Variants in NXF1 observed in about 807,000 individuals in gnomAD.
NXF1 encodes mRNA export factor TAP.
A neutral mutation model predicts 92.4 loss-of-function variants in NXF1; 43 were observed. The observed-to-expected ratio is 0.47, with a 90% CI of 0.36 to 0.60. The LOEUF (loss-of-function observed/expected upper bound fraction) is 0.60. Among genes scored for constraint, NXF1 ranks in the 20% least tolerant of loss-of-function variants. The pLI, the probability that NXF1 is intolerant of heterozygous loss-of-function variation, is 0.00. For synonymous variants in NXF1, 288 were observed against 292.2 expected (o/e 0.99, Z 0.15); for missense variants, 576 against 793.0 (o/e 0.73, Z 3.29).
At chr11:62,797,109 T>C (rs546196648) in intron 13 of NXF1, 74 bp downstream of exon 13, 9 of 1,232,342 alleles carry the variant, frequency 7.3e-6, no homozygotes, top group African/African-American at 3.1e-5. Flanking sequence ...AACAAAAAGA[T>C]TGATGTGTGC....
Position 62,801,574 on chromosome 11 carries a change from G to A in NXF1, c.697C>T (p.Arg233Cys), listed in dbSNP as rs1173388631. Residue 233 changes from arginine to cysteine, a missense_variant, in exon 7 of 21, where the codon CGT (arginine) becomes TGT (cysteine). Physicochemically the swap from Arg to Cys is radical, Grantham distance 180. Around this residue, in one of 2 missense-constraint regions of NXF1, gnomAD observed 425 missense variants for 635.2 expected, o/e 0.67. Transcript: ENST00000294172. The part of the protein sequence containing the change: ...SQQALDLKGL[R>C]SDPDLVAQNI... ...CTGTCAACCATACCTGGGTCTGAAC[G>A]GAGGCCTTTGAGGTCAAGGGCTTGT... 4.3e-6 allele frequency: 7 copies of A among 1,614,160 alleles called. No individual in the cohort carries two copies. The highest frequency in any genetic ancestry group is 2.7e-5 in the African/African-American group (2 of 75,030).
At chr11:62,798,618 C>T (rs769490397) in intron 10 of NXF1, 43 bp from the exon 11 acceptor site, 88 of 1,612,522 alleles carry the variant, frequency 5.5e-5, no homozygotes, top group Non-Finnish European at 7.0e-5. Flanking sequence ...TCAGAGCCAC[C>T]GTGCCTCCTG....
In NXF1 at chr11:62,792,456, C is replaced by T. The variant is rs369136240; in HGVS notation, c.*20G>A. The T allele has an allele frequency of 2.5e-5, 40 of 1,614,138 alleles. No individual in the cohort carries two copies. The African/African-American group carries it at 5.2e-4, about 21-fold the overall frequency. On this transcript the variant is annotated 3_prime_UTR_variant, in exon 21 of 21. Coordinates refer to ENST00000294172, the MANE Select transcript of NXF1 (RefSeq NM_006362.5). Reference sequence around the variant, plus strand: ...CAAGGACTATTTACAGGGGGGACTGCTTCTGAGGCATGACTACGATCACTT... The same window carrying T: ...CAAGGACTATTTACAGGGGGGACTGTTTCTGAGGCATGACTACGATCACTT...
Position 62,801,791 on chromosome 11 carries a change from G to A in NXF1, c.587C>T (p.Pro196Leu). The A allele has an allele frequency of 1.2e-6, 2 of 1,613,892 alleles. No individual in the cohort carries two copies. Among genetic ancestry groups the A allele is most frequent in the South Asian group, 1.1e-5 (1 of 91,068 alleles). Residue 196 changes from proline (P) to leucine (L), a missense_variant, in exon 6 of 21, where the codon CCA (proline) becomes CTA (leucine). By Grantham distance (98) the Pro-to-Leu change is moderately conservative. This residue lies in a region of NXF1 where 425 missense variants were observed against 635.2 expected (regional missense o/e 0.67). Transcript: ENST00000294172. The part of the protein sequence containing the change: ...RISIIINSSA[P>L]PHTILNELKP... ...CAGTTCATTCAGTATAGTGTGGGGTGGAGCAGAAGAGTTGATGATGATAGA... is the reference window on the plus strand; with the variant it reads ...CAGTTCATTCAGTATAGTGTGGGGTAGAGCAGAAGAGTTGATGATGATAGA...
chr11:62,804,164 AAAGTT>A, intron 1 of NXF1, 186 bp from the exon 2 acceptor site: 1 of 1,534,422 alleles, frequency 6.5e-7, no homozygotes, highest in Non-Finnish European at 8.7e-7. Context: ...GCATCAGGGA[AAAGTT>A]ACTGGAAAAC....
In NXF1 at chr11:62,796,406, G is replaced by C. The variant is rs1590950362; in HGVS notation, c.1286+54C>G. On this transcript the variant is annotated intron_variant, in intron 14 of 20. Transcript: ENST00000294172. Reference sequence around the variant, plus strand: ...GCAGTGCTGCCAGCAGGTGTGCCCTGTATCTGCTGGGAAACCCAGTGGTCC... The same window carrying C: ...GCAGTGCTGCCAGCAGGTGTGCCCTCTATCTGCTGGGAAACCCAGTGGTCC... The C allele has an allele frequency of 2.5e-6, 4 of 1,610,622 alleles. No individual in the cohort carries two copies. The South Asian group carries it at 3.3e-5, about 13-fold the overall frequency.
In NXF1 at chr11:62,805,336, C is replaced by T. The variant is rs772740911; in HGVS notation, c.21G>A (p.Ser7=). 2 of 1,611,244 alleles carry T rather than the reference C, an allele frequency of 1.2e-6. No individual in the cohort carries two copies. The highest frequency in any genetic ancestry group is 1.7e-6 in the Non-Finnish European group (2 of 1,178,782). MADEGK[S]YSEHDDERVN... is the part of the protein sequence containing the mutation. ...CCGAAGACCAGCACTTACCGCTGTA[C>T]GACTTCCCCTCGTCCGCCATGCCAC... The change falls in exon 1 of 21, where the codon TCG becomes TCA. Residue 7 remains serine (S), a synonymous_variant. Transcript: ENST00000294172.
intron 10 of NXF1, chr11:62,799,157 A>G: frequency 1.0e-6 from 1 of 985,066 alleles, no homozygotes; most frequent in Non-Finnish European, 1.2e-6. Flanking sequence ...GACAGACAGA[A>G]AAAGGAAAGA....
chr11:62,792,803 A>G, intron 19 of NXF1, 102 bp from the exon 20 acceptor site: 1 of 920,940 alleles, frequency 1.1e-6, no homozygotes, highest in African/African-American at 1.6e-5. Flanking sequence ...AAATATGTAC[A>G]TTCTTATACA....
chr11:62,798,396 T>TG lies in NXF1; in HGVS notation c.1053+142dup. ...TTGCGGTGAGCTGAAATCATGCTGT[T>TG]GCACTCCAGCCTGGGCGACGAGTGA... On this transcript the variant is annotated intron_variant, in intron 11 of 20. Coordinates refer to ENST00000294172, the MANE Select transcript of NXF1 (RefSeq NM_006362.5). 4 of 1,240,242 alleles carry TG rather than the reference T, an allele frequency of 3.2e-6. No homozygotes were observed. The African/African-American group carries it at 6.2e-5, about 19-fold the overall frequency. 76.8% of individuals were successfully genotyped at this position (1,240,242 alleles called of 1,614,324 possible). A position where few individuals can be genotyped will look rare whatever the true frequency, so the allele number is the denominator to read the frequency against.
intron 3 of NXF1, among the ~76,000 whole-genome samples, chr11:62,803,059 G>A (rs1166038615): frequency 1.3e-5 from 2 of 152,170 alleles, no homozygotes; most frequent in African/African-American, 4.8e-5. Context: ...GGTGGCTCAT[G>A]CCTATAATCC....
chr11:62,796,915 A>T, intron 13 of NXF1: 1 of 552,360 alleles, frequency 1.8e-6, no homozygotes, highest in Non-Finnish European at 3.2e-6. Flanking sequence ...AAAAATACAA[A>T]AATTAGCCAG....
intron 11 of NXF1, 100 bp downstream of exon 11, chr11:62,798,436 TAAA>T (rs373725740): frequency 2.4e-4 from 285 of 1,178,068 alleles, no homozygotes; most frequent in South Asian, 3.5e-4. Context: ...CCGTCTCAAA[TAAA>T]AAAAAAAAAA....
intron 3 of NXF1, among the ~76,000 whole-genome samples, chr11:62,802,836 G>C (rs187838681): frequency 2.7e-4 from 41 of 151,394 alleles, no homozygotes; most frequent in Admixed American, 2.6e-3. Context: ...GAACTCCAGG[G>C]CACTCCAGGG....
At chr11:62,797,288 A>G in intron 12 of NXF1, 30 bp downstream of exon 12, 3 of 1,614,052 alleles carry the variant, frequency 1.9e-6, no homozygotes, top group Non-Finnish European at 1.7e-6. Flanking sequence ...CTCTCCACAC[A>G]CAAGTTCTTA....
At chr11:62,797,012 G>A (rs2084427668) in intron 13 of NXF1, 171 bp downstream of exon 13, 15 of 625,902 alleles carry the variant, frequency 2.4e-5, no homozygotes, top group Non-Finnish European at 3.8e-5. Flanking sequence ...AGGTTGCAGT[G>A]AGCCAAGATC....
intron 7 of NXF1, 26 bp from the exon 8 acceptor site, chr11:62,801,443 G>A (rs373571563): frequency 2.7e-5 from 44 of 1,613,130 alleles, no homozygotes; most frequent in Non-Finnish European, 3.6e-5. Flanking sequence ...GGGAAGGAAA[G>A]GGAAGACTGA....
chr11:62,796,022 C>G, intron 16 of NXF1, 44 bp downstream of exon 16: 1 of 1,610,364 alleles, frequency 6.2e-7, no homozygotes, highest in African/African-American at 1.3e-5. Context: ...AATGCCACCC[C>G]CACCCCAATT....
At chr11:62,799,734 G>A in intron 10 of NXF1, 4 of 986,082 alleles carry the variant, frequency 4.1e-6, no homozygotes, top group Non-Finnish European at 4.8e-6. Flanking sequence ...CCTGCTGGCG[G>A]GGCCCCAGCT....
Sources: gnomAD v4.1 joint callset for allele counts (sites outside exome capture counted in the v4.1 genomes callset) on GRCh38, gnomAD v4.1.1 for gene constraint, gnomAD v4.1.1 regional missense constraint, MANE v1.5 for transcripts, NCBI Gene and HGNC (gene_info 2026-07-23, HGNC 2026-07-21) for gene names.